ITPKB: variants seen among roughly 807,000 people sequenced by gnomAD.
ITPKB encodes the protein inositol-trisphosphate 3-kinase B, also known as IP3 3-kinase B.
A neutral mutation model predicts 69.4 loss-of-function variants in ITPKB; 13 were observed. The ratio of observed to expected loss-of-function variants is 0.19; its 90% CI spans 0.12 to 0.30. The LOEUF (loss-of-function observed/expected upper bound fraction) is 0.30. Among genes scored for constraint, ITPKB ranks in the 10% least tolerant of loss-of-function variants. The pLI is 1.00. For synonymous variants in ITPKB, 584 were observed against 513.7 expected, an observed-to-expected ratio of 1.14 and a Z score of -1.85; for missense variants, 1,240 against 1,250.5, an observed-to-expected ratio of 0.99 and a Z score of 0.13.
chr1:226,737,205 C>T lies in ITPKB; in HGVS notation c.254G>A (p.Ser85Asn), dbSNP rs564818443. 6 of 1,583,980 alleles carry T rather than the reference C, an allele frequency of 3.8e-6. No homozygotes were observed. The South Asian group carries it at 5.6e-5, about 15-fold the overall frequency. Reference sequence around the variant, plus strand: ...GCTGCTGCCGCTGCCACTGCCGCTGCTACTATTCAGCCTGCGCCGGCCGCT... The same window carrying T: ...GCTGCTGCCGCTGCCACTGCCGCTGTTACTATTCAGCCTGCGCCGGCCGCT... The part of the protein sequence containing the change: ...WRSGRRRLNS[S>N]SGSGSGSSGS... The change falls in exon 2 of 8, where the codon AGC (serine) becomes AAC (asparagine). Residue 85 changes from serine (S) to asparagine (N), a missense_variant. Transcript: ENST00000429204.
chr1:226,638,120 A>G (rs909278373), intron 6 of ITPKB, among the ~76,000 whole-genome samples: 2 of 152,214 alleles, frequency 1.3e-5, no homozygotes, highest in South Asian at 4.1e-4. Flanking sequence ...ACAGGTACAC[A>G]GAGTTCCTCA....
In ITPKB at chr1:226,737,470, C is replaced by A; in HGVS notation, c.-12G>T. ...CAGTACACAGCCATAGTACTGGGTC[C>A]CGCGCTGCCCGCCGCCGCGGCTCCC... On this transcript the variant is annotated 5_prime_UTR_variant, in exon 2 of 8. Coordinates refer to ENST00000429204, the MANE Select transcript of ITPKB (RefSeq NM_002221.4). 1 of 1,546,756 alleles carries A rather than the reference C, an allele frequency of 6.5e-7. No homozygotes were observed. The highest frequency in any genetic ancestry group is 1.4e-5 in the African/African-American group (1 of 70,202).
At chr1:226,731,713 C>T (rs1417839603) in intron 2 of ITPKB, among the ~76,000 whole-genome samples, 3 of 151,956 alleles carry the variant, frequency 2.0e-5, no homozygotes, top group Non-Finnish European at 4.4e-5. Flanking sequence ...TCAGTCATAC[C>T]CAGAACCCAA....
intron 2 of ITPKB, among the ~76,000 whole-genome samples, chr1:226,732,989 A>T (rs1657637038): frequency 6.6e-6 from 1 of 152,194 alleles, no homozygotes; most frequent in African/African-American, 2.4e-5. Context: ...CGAAAGGCTT[A>T]ACTCTGTGGG....
chr1:226,687,593 A>G (rs1406741579), intron 2 of ITPKB, among the ~76,000 whole-genome samples: 1 of 152,170 alleles, frequency 6.6e-6, no homozygotes, highest in Non-Finnish European at 1.5e-5. Flanking sequence ...CTGCTTTTGC[A>G]CTTGTCAACT....
intron 2 of ITPKB, among the ~76,000 whole-genome samples, chr1:226,727,276 A>G (rs1267430679): frequency 6.6e-6 from 1 of 152,256 alleles, no homozygotes; most frequent in Non-Finnish European, 1.5e-5. Flanking sequence ...ATCCTGCTGA[A>G]TTACACAGTC....
At chr1:226,692,742 G>A (rs1165721057) in intron 2 of ITPKB, among the ~76,000 whole-genome samples, 4 of 152,170 alleles carry the variant, frequency 2.6e-5, no homozygotes, top group African/African-American at 9.7e-5. Flanking sequence ...ATGTCACGCA[G>A]GGGATTTATT....
chr1:226,734,498 A>C (rs1172241949), intron 2 of ITPKB, among the ~76,000 whole-genome samples: 1 of 152,196 alleles, frequency 6.6e-6, no homozygotes, highest in Non-Finnish European at 1.5e-5. Flanking sequence ...TACTATAATA[A>C]AATGCAGACT....
chr1:226,733,921 T>C (rs1210735712), intron 2 of ITPKB, among the ~76,000 whole-genome samples: 1 of 152,198 alleles, frequency 6.6e-6, no homozygotes, highest in Non-Finnish European at 1.5e-5. Flanking sequence ...GTTGCTAATC[T>C]ACCACTAGAA....
chr1:226,649,224 G>A lies in ITPKB; in HGVS notation c.1933-453C>T, dbSNP rs531029155. On this transcript the variant is annotated intron_variant, in intron 2 of 7. Transcript: ENST00000429204. ...CCCACAGCTCTCTCCTCTGCACCGC[G>A]CTCCGCCCTCTCAGGATGTTTCTTC... Among the ~76,000 whole-genome samples the A allele has an allele frequency of 1.5e-4, 23 of 151,320 alleles. No homozygotes were observed. In the South Asian group the frequency reaches 4.2e-3, roughly 27 times the overall value.
chr1:226,717,072 T>C (rs181285546), intron 2 of ITPKB, among the ~76,000 whole-genome samples: 6 of 152,322 alleles, frequency 3.9e-5, no homozygotes, highest in Non-Finnish European at 8.8e-5. Flanking sequence ...ACCGGGTTCA[T>C]GTATATCACC....
chr1:226,707,158 A>G (rs772812701), intron 2 of ITPKB: 2 of 704,222 alleles, frequency 2.8e-6, no homozygotes, highest in South Asian at 6.5e-5. Flanking sequence ...GAATAAAAAC[A>G]TTATTGCCAA....
intron 2 of ITPKB, among the ~76,000 whole-genome samples, chr1:226,701,400 C>G (rs568500107): frequency 6.6e-6 from 1 of 151,440 alleles, no homozygotes; most frequent in Non-Finnish European, 1.5e-5. Context: ...GTCAGGAGAT[C>G]GAGACCATCC....
chr1:226,663,369 G>A (rs1390216177), intron 2 of ITPKB, among the ~76,000 whole-genome samples: 1 of 152,124 alleles, frequency 6.6e-6, no homozygotes. Flanking sequence ...GGCAGACCTT[G>A]GGGTCTTGCC....
intron 2 of ITPKB, among the ~76,000 whole-genome samples, chr1:226,714,562 C>G (rs1460801041): frequency 6.6e-6 from 1 of 152,228 alleles, no homozygotes; most frequent in Non-Finnish European, 1.5e-5. Context: ...TACCTGTCAT[C>G]CTCAAGGTTG....
intron 2 of ITPKB, among the ~76,000 whole-genome samples, chr1:226,722,393 GA>G (rs2102644482): frequency 6.6e-6 from 1 of 152,354 alleles, no homozygotes; most frequent in East Asian, 1.9e-4. Context: ...GAAGGACCCA[GA>G]ACCTGCAGGG....
At chr1:226,729,158 C>T (rs1173564179) in intron 2 of ITPKB, among the ~76,000 whole-genome samples, 1 of 151,974 alleles carries the variant, frequency 6.6e-6, no homozygotes, top group African/African-American at 2.4e-5. Context: ...TATTTTCCAC[C>T]CTTGCTTTCC....
chr1:226,642,719 C>G lies in ITPKB; in HGVS notation c.2247-594G>C, dbSNP rs531508212. ...GGGGCAGGGTCTACTCAGGGCCCCACTAGATCCCCTTGGCTGCCTCGGCCC... is the reference window on the plus strand; with the variant it reads ...GGGGCAGGGTCTACTCAGGGCCCCAGTAGATCCCCTTGGCTGCCTCGGCCC... On this transcript the variant is annotated intron_variant, in intron 4 of 7. Coordinates refer to ENST00000429204, the MANE Select transcript of ITPKB (RefSeq NM_002221.4). This position sits in a 1 kb window ranked among gnomAD's most constrained non-coding sequence, Gnocchi z 6.4. Among the ~76,000 whole-genome samples the G allele has an allele frequency of 9.7e-4, 147 of 152,198 alleles. No homozygotes were observed. The highest frequency in any genetic ancestry group is 1.7e-3 in the Non-Finnish European group (114 of 67,996).
intron 2 of ITPKB, among the ~76,000 whole-genome samples, chr1:226,675,676 A>C (rs987423310): frequency 6.6e-6 from 1 of 152,186 alleles, no homozygotes; most frequent in African/African-American, 2.4e-5. Context: ...CTTCCTCTAT[A>C]AAACAGGGAT....
Sources: gnomAD v4.1 joint callset for allele counts (sites outside exome capture counted in the v4.1 genomes callset) on GRCh38, gnomAD v4.1.1 for gene constraint, Gnocchi (gnomAD v3.1) non-coding constraint, MANE v1.5 for transcripts, NCBI Gene and HGNC (gene_info 2026-07-23, HGNC 2026-07-21) for gene names.